Variants in TLN2 observed in about 807,000 individuals in gnomAD.
TLN2 encodes the protein talin-2.
A neutral mutation model predicts 294.7 loss-of-function variants in TLN2; 118 were observed. The observed-to-expected ratio is 0.40, with a 90% CI of 0.34 to 0.47. TLN2 has a LOEUF of 0.47. Among genes scored for constraint, TLN2 ranks in the 20% least tolerant of loss-of-function variants. The probability of loss-of-function intolerance (pLI) is 0.84; values close to 1 mark genes in which losing one functional copy is unlikely to be tolerated. For synonymous variants in TLN2, 1,431 were observed against 1,304.5 expected (o/e 1.10, Z -2.09); for missense variants, 3,083 against 3,282.2 (o/e 0.94, Z 1.48).
At chr15:62,689,247 A>T (rs776436096) in intron 12 of TLN2, among the ~76,000 whole-genome samples, 3 of 152,012 alleles carry the variant, frequency 2.0e-5, no homozygotes, top group Admixed American at 2.0e-4. Flanking sequence ...TTTCCCCCTT[A>T]AGTGTAGAAA....
intron 28 of TLN2, 107 bp from the exon 29 acceptor site, chr15:62,736,771 C>T (rs1159739844): frequency 4.1e-6 from 5 of 1,208,622 alleles, no homozygotes; most frequent in Non-Finnish European, 5.8e-6. Flanking sequence ...GAAGACTAAT[C>T]TGCAGCTCCC....
intron 22 of TLN2, among the ~76,000 whole-genome samples, chr15:62,712,824 C>A (rs1025203991): frequency 2.0e-5 from 3 of 152,006 alleles, no homozygotes; most frequent in Non-Finnish European, 4.4e-5. Context: ...ATGAATAAGG[C>A]TATATTTTTC....
rs187294984 is a variant in TLN2, at chr15:62,425,811, C to G, written c.-238+35126C>G. Among the ~76,000 whole-genome samples the G allele has an allele frequency of 6.2e-4, 95 of 152,284 alleles. 1 individual carries two copies. In the South Asian group the frequency reaches 9.1e-3, roughly 15 times the overall value. On this transcript the variant is annotated intron_variant, in intron 1 of 58. Transcript: ENST00000636159. ...TATGCAGCATGTGTGTGCATTGTTG[C>G]TTTTAGTAATAGTTGCTCAGTTAAT...
At chr15:62,476,767 C>T (rs890156365) in intron 1 of TLN2, among the ~76,000 whole-genome samples, 1 of 152,224 alleles carries the variant, frequency 6.6e-6, no homozygotes, top group African/African-American at 2.4e-5. Flanking sequence ...CGAGAAAGCA[C>T]CCGCTTTATG....
intron 25 of TLN2, among the ~76,000 whole-genome samples, chr15:62,720,955 A>G (rs972141060): frequency 2.6e-5 from 4 of 152,126 alleles, no homozygotes; most frequent in African/African-American, 7.2e-5. Flanking sequence ...TATGACTTGG[A>G]CAAGGCATTT....
rs1242975835 is a variant in TLN2, at chr15:62,397,258, T to C, written c.-238+6573T>C. On this transcript the variant is annotated intron_variant, in intron 1 of 58. Coordinates refer to ENST00000636159, the MANE Select transcript of TLN2 (RefSeq NM_015059.3). ...GCATTTCACATTTTATTTTTATTTTTTATCTGAATAATATTTTTAGAGACA... is the reference window on the plus strand; with the variant it reads ...GCATTTCACATTTTATTTTTATTTTCTATCTGAATAATATTTTTAGAGACA... 3.3e-5 allele frequency among the ~76,000 whole-genome samples: 5 copies of C among 152,292 alleles called. No homozygotes were observed. In the South Asian group the frequency reaches 6.2e-4, roughly 19 times the overall value.
chr15:62,500,842 A>C (rs183727706), intron 1 of TLN2, among the ~76,000 whole-genome samples: 1 of 152,218 alleles, frequency 6.6e-6, no homozygotes, highest in East Asian at 1.9e-4. Flanking sequence ...TTAAAGACGC[A>C]GAAGAAAGAT....
intron 1 of TLN2, among the ~76,000 whole-genome samples, chr15:62,429,468 G>A (rs1015500995): frequency 1.3e-5 from 2 of 152,158 alleles, no homozygotes; most frequent in Non-Finnish European, 2.9e-5. Flanking sequence ...CACCCGACTT[G>A]AGACCTGTCT....
At chr15:62,520,733 A>G (rs2040415276) in intron 1 of TLN2, among the ~76,000 whole-genome samples, 1 of 152,200 alleles carries the variant, frequency 6.6e-6, no homozygotes, top group Non-Finnish European at 1.5e-5. Context: ...AGTATTACTT[A>G]CTTAATAGTT....
chr15:62,520,962 A>G (rs571610167), intron 1 of TLN2, among the ~76,000 whole-genome samples: 6 of 152,284 alleles, frequency 3.9e-5, no homozygotes, highest in South Asian at 4.1e-4. Context: ...TAGACGTGCA[A>G]AAAGCTCCAC....
intron 28 of TLN2, among the ~76,000 whole-genome samples, chr15:62,732,937 A>G (rs1017969691): frequency 6.6e-6 from 1 of 152,202 alleles, no homozygotes; most frequent in East Asian, 1.9e-4. Flanking sequence ...GAGAATATGC[A>G]GTGAGAGCAT....
intron 57 of TLN2, chr15:62,837,966 T>C (rs2069966226): frequency 6.6e-6 from 1 of 152,240 alleles, no homozygotes; most frequent in African/African-American, 2.4e-5. Context: ...AGAGGTTTAA[T>C]GAAGCCTTAA....
At chr15:62,704,966 ATTG>A (rs960737857) in intron 19 of TLN2, among the ~76,000 whole-genome samples, 8 of 152,180 alleles carry the variant, frequency 5.3e-5, no homozygotes. Flanking sequence ...TATTAATATT[ATTG>A]TTTTCTCCAA....
At chr15:62,662,528 CGTGT>C (rs2053969585) in intron 9 of TLN2, among the ~76,000 whole-genome samples, 1 of 152,210 alleles carries the variant, frequency 6.6e-6, no homozygotes, top group Non-Finnish European at 1.5e-5. Flanking sequence ...GACATATGTG[CGTGT>C]GTAAGTGCAA....
At chr15:62,810,144 C>A in intron 52 of TLN2, 112 bp downstream of exon 52, 1 of 858,814 alleles carries the variant, frequency 1.2e-6, no homozygotes. Context: ...CTGTCCATTG[C>A]CACTGTGAGG....
chr15:62,621,509 C>T (rs747335656), intron 3 of TLN2, among the ~76,000 whole-genome samples: 33 of 152,152 alleles, frequency 2.2e-4, no homozygotes, highest in Non-Finnish European at 3.5e-4. Context: ...CTTTGTGCCC[C>T]CAGCCCTGTA....
chr15:62,673,534 C>A (rs1012978914), intron 9 of TLN2, among the ~76,000 whole-genome samples: 1 of 140,932 alleles, frequency 7.1e-6, no homozygotes, highest in African/African-American at 2.6e-5. Context: ...TTGTTTCTTA[C>A]AAAAGATAGC....
At chr15:62,817,754 G>A (rs944117947) in intron 52 of TLN2, among the ~76,000 whole-genome samples, 11 of 150,942 alleles carry the variant, frequency 7.3e-5, no homozygotes, top group African/African-American at 2.7e-4. Context: ...CACATTTAAT[G>A]AATGTCTATT....
chr15:62,540,279 G>T (rs193180318), intron 1 of TLN2, among the ~76,000 whole-genome samples: 1 of 152,206 alleles, frequency 6.6e-6, no homozygotes, highest in African/African-American at 2.4e-5. Context: ...GGCAGAGGTT[G>T]CAGTGAGCCA....
Sources: allele counts gnomAD v4.1 joint callset (sites outside exome capture counted in the v4.1 genomes callset), GRCh38; gene constraint gnomAD v4.1.1; transcripts MANE v1.5; gene names NCBI Gene and HGNC (gene_info 2026-07-23, HGNC 2026-07-21).